Variants in NALF1 observed in about 807,000 individuals in gnomAD.
The protein encoded by NALF1 is family with sequence similarity 155 member A.
A neutral mutation model predicts 48.4 loss-of-function variants in NALF1; 3 were observed. The ratio of observed to expected loss-of-function variants is 0.06; its 90% confidence interval spans 0.03 to 0.16. The LOEUF (loss-of-function observed/expected upper bound fraction) is 0.16. Among genes scored for constraint, NALF1 ranks in the 10% least tolerant of loss-of-function variants. NALF1 has a pLI of 1.00. For missense variants in NALF1, 526 were observed against 571.5 expected, an observed-to-expected ratio of 0.92 and a Z score of 0.81; for synonymous variants, 262 against 245.7, an observed-to-expected ratio of 1.07 and a Z score of -0.62.
At chr13:107,560,643 T>C (rs1380269854) in intron 1 of NALF1, among the ~76,000 whole-genome samples, 1 of 152,132 alleles carries the variant, frequency 6.6e-6, no homozygotes, top group African/African-American at 2.4e-5. Flanking sequence ...CTCATGTGTT[T>C]ATCATGTAAA....
chr13:107,455,115 C>T (rs1278548408), intron 1 of NALF1, among the ~76,000 whole-genome samples: 2 of 152,068 alleles, frequency 1.3e-5, no homozygotes, highest in Non-Finnish European at 2.9e-5. Context: ...GGCTCTTCAC[C>T]CTTTACTCGC....
chr13:107,206,616 C>CT (rs1258045004), intron 2 of NALF1, among the ~76,000 whole-genome samples: 3 of 152,078 alleles, frequency 2.0e-5, no homozygotes, highest in Admixed American at 6.6e-5. Flanking sequence ...GTGATATTCC[C>CT]TTTTTTGTGA....
intron 1 of NALF1, among the ~76,000 whole-genome samples, chr13:107,470,172 G>C (rs1594080380): frequency 6.6e-6 from 1 of 152,120 alleles, no homozygotes; most frequent in African/African-American, 2.4e-5. Context: ...ATCTTGTCTG[G>C]AAAGGTCTAA....
chr13:107,607,606 A>C (rs2138429439), intron 1 of NALF1, among the ~76,000 whole-genome samples: 1 of 152,192 alleles, frequency 6.6e-6, no homozygotes, highest in Non-Finnish European at 1.5e-5. Context: ...AAAGACACCC[A>C]CTTAGGAAGC....
Position 107,625,476 on chromosome 13 carries a change from T to C in NALF1, c.915+240206A>G, listed in dbSNP as rs144652652. Among the ~76,000 whole-genome samples the C allele has an allele frequency of 3.0e-3, 458 of 152,224 alleles. 3 individuals are homozygous for C. Among genetic ancestry groups the C allele is most frequent in the African/African-American group, 0.011 (439 of 41,552 alleles). ...CATGTCAAAAAGTATCTTAGGGACA[T>C]TGCAAAACTGATTTCCCATCTTTCA... On this transcript the variant is annotated intron_variant, in intron 1 of 2. Coordinates refer to ENST00000375915, the MANE Select transcript of NALF1 (RefSeq NM_001080396.3).
At chr13:107,375,399 C>T (rs1382919691) in intron 1 of NALF1, among the ~76,000 whole-genome samples, 1 of 152,112 alleles carries the variant, frequency 6.6e-6, no homozygotes, top group South Asian at 2.1e-4. Flanking sequence ...CTGGAAAATA[C>T]TTGGTCACAT....
At chr13:107,223,469 A>C (rs1880036333) in intron 1 of NALF1, among the ~76,000 whole-genome samples, 1 of 152,164 alleles carries the variant, frequency 6.6e-6, no homozygotes, top group African/African-American at 2.4e-5. Flanking sequence ...AGAATGTATT[A>C]TTTTGACATT....
chr13:107,849,564 T>C (rs567875754), intron 1 of NALF1, among the ~76,000 whole-genome samples: 2 of 152,178 alleles, frequency 1.3e-5, no homozygotes, highest in African/African-American at 2.4e-5. Flanking sequence ...TTCCTAGCAG[T>C]GTGCTGGCCT....
rs533920392 is a variant in NALF1, at chr13:107,261,294, C to T, written c.916-50539G>A. On this transcript the variant is annotated intron_variant, in intron 1 of 2. Transcript: ENST00000375915. ...CTCTTACTCCACACTGTGTACCTTC[C>T]CTCCATCCCATCTCCACGCCCATGC... Among the ~76,000 whole-genome samples the T allele has an allele frequency of 4.9e-3, 751 of 152,142 alleles. 4 individuals carry two copies. Among genetic ancestry groups the T allele is most frequent in the African/African-American group, 0.017 (722 of 41,508 alleles).
chr13:107,168,832 A>AAAG lies in NALF1; in HGVS notation c.*1662_*1664dup, dbSNP rs1299349533. On this transcript the variant is annotated 3_prime_UTR_variant, in exon 3 of 3. Transcript: ENST00000375915. The stretch of plus-strand genomic sequence containing the variant: ...ATGCCCGGGGAAATTTCATAGCTAT[A>AAAG]AAGTTAATAACTAAATTTTGTTCAC... 2 of 152,656 alleles carry AAAG rather than the reference A, an allele frequency of 1.3e-5. No homozygotes were observed. Among genetic ancestry groups the AAAG allele is most frequent in the African/African-American group, 4.8e-5 (2 of 41,466 alleles). 9.5% of individuals were successfully genotyped at this position (152,656 alleles called of 1,614,324 possible). A position where few individuals can be genotyped will look rare whatever the true frequency, so the allele number is the denominator to read the frequency against.
At chr13:107,441,606 G>A (rs1884561430) in intron 1 of NALF1, among the ~76,000 whole-genome samples, 1 of 152,204 alleles carries the variant, frequency 6.6e-6, no homozygotes, top group East Asian at 1.9e-4. Flanking sequence ...AAAGGGAGGA[G>A]AAGAAATATT....
At chr13:107,237,096 T>G (rs1219421425) in intron 1 of NALF1, among the ~76,000 whole-genome samples, 1 of 151,528 alleles carries the variant, frequency 6.6e-6, no homozygotes, top group African/African-American at 2.4e-5. Flanking sequence ...GTGGTTTTTT[T>G]TTTTTTTTTC....
At chr13:107,622,471 C>CAAA (rs59079915) in intron 1 of NALF1, among the ~76,000 whole-genome samples, 1 of 146,438 alleles carries the variant, frequency 6.8e-6, no homozygotes, top group Admixed American at 6.7e-5. Flanking sequence ...ACAACAACAA[C>CAAA]AAAAAAAAAA....
At chr13:107,338,094 T>C (rs999441716) in intron 1 of NALF1, among the ~76,000 whole-genome samples, 2 of 152,226 alleles carry the variant, frequency 1.3e-5, no homozygotes, top group Non-Finnish European at 2.9e-5. Context: ...GGGATGTTTC[T>C]TCGTGATGAC....
Position 107,663,985 on chromosome 13 carries a change from G to C in NALF1, c.915+201697C>G, listed in dbSNP as rs368443795. 3.9e-5 allele frequency among the ~76,000 whole-genome samples: 6 copies of C among 152,170 alleles called. No homozygotes were observed. The East Asian group carries it at 9.7e-4, about 25-fold the overall frequency. On this transcript the variant is annotated intron_variant, in intron 1 of 2. Transcript: ENST00000375915. ...TAGCTTCAGACATCATCTGTGTGCT[G>C]ATGACTCCCAAATGTATACCTCTAG...
At position 107,510,967 on chromosome 13, in the gene NALF1, CT is replaced by C. The variant is rs1875868854; in HGVS notation, c.916-300213del. On this transcript the variant is annotated intron_variant, in intron 1 of 2. Coordinates refer to ENST00000375915, the MANE Select transcript of NALF1 (RefSeq NM_001080396.3). ...ATTCCCACGCCCATCCTATGTTCTG[CT>C]TCCTGACAGCATCTAGCCCAAAGCA... 2.6e-5 allele frequency among the ~76,000 whole-genome samples: 4 copies of C among 152,278 alleles called. No individual in the cohort carries two copies. In the South Asian group the frequency reaches 8.3e-4, roughly 32 times the overall value.
intron 1 of NALF1, among the ~76,000 whole-genome samples, chr13:107,731,092 A>G (rs947086583): frequency 2.0e-5 from 3 of 152,124 alleles, no homozygotes; most frequent in African/African-American, 4.8e-5. Context: ...AGAGCATTAG[A>G]GCATTATGCA....
chr13:107,376,009 C>A (rs1437918653), intron 1 of NALF1, among the ~76,000 whole-genome samples: 1 of 152,048 alleles, frequency 6.6e-6, no homozygotes, highest in Non-Finnish European at 1.5e-5. Context: ...TGTTTTGAGA[C>A]TCTGAGGCTA....
intron 1 of NALF1, among the ~76,000 whole-genome samples, chr13:107,613,024 A>G (rs1480153140): frequency 2.0e-5 from 3 of 151,606 alleles, no homozygotes; most frequent in Non-Finnish European, 4.4e-5. Context: ...AGAAAAGAAA[A>G]GAAAGAAATG....
Sources: allele counts gnomAD v4.1 joint callset (sites outside exome capture counted in the v4.1 genomes callset), GRCh38; gene constraint gnomAD v4.1.1; transcripts MANE v1.5; gene names NCBI Gene and HGNC (gene_info 2026-07-23, HGNC 2026-07-21).